ANK3: variants seen among roughly 807,000 people sequenced by gnomAD.
The protein encoded by ANK3 is ankyrin 3, also known as ankyrin-3.
ANK3 carries 57 observed loss-of-function variants against 370.9 expected under a neutral mutation model. The observed-to-expected ratio is 0.15, with a 90% CI of 0.12 to 0.19. The LOEUF (loss-of-function observed/expected upper bound fraction) is 0.19, where lower values mean the gene tolerates loss of function less well. ANK3 is among the 10% of genes least tolerant of loss of function. The pLI is 1.00. For missense variants in ANK3, 4,439 were observed against 5,302.1 expected (o/e 0.84, Z 5.06); for synonymous variants, 1,929 against 1,946.3 (o/e 0.99, Z 0.23).
At chr10:60,229,835 T>C (rs10761469) in intron 8 of ANK3, among the ~76,000 whole-genome samples, 57,769 of 151,984 alleles carry the variant, frequency 0.38, 12,140 homozygotes, top group East Asian at 0.5. Context: ...CCAGGAAGTG[T>C]GCTAAGTATG....
At chr10:60,233,064 T>C (rs1049179583) in intron 8 of ANK3, among the ~76,000 whole-genome samples, 3 of 152,210 alleles carry the variant, frequency 2.0e-5, no homozygotes, top group African/African-American at 7.2e-5. Context: ...ATTAGATTGC[T>C]TCTTGCACAA....
chr10:60,655,225 AG>A (rs936031077), intron 1 of ANK3, among the ~76,000 whole-genome samples: 2 of 151,412 alleles, frequency 1.3e-5, no homozygotes, highest in African/African-American at 4.8e-5. Flanking sequence ...AAAGAAAAAA[AG>A]GTTAACTGTA....
At chr10:60,215,154 T>C (rs2096917111) in intron 8 of ANK3, among the ~76,000 whole-genome samples, 2 of 152,224 alleles carry the variant, frequency 1.3e-5, no homozygotes, top group South Asian at 2.1e-4. Flanking sequence ...GCCGCATAAA[T>C]GTCTTCTTTT....
chr10:60,305,653 C>A (rs1371532417), intron 1 of ANK3, among the ~76,000 whole-genome samples: 1 of 152,204 alleles, frequency 6.6e-6, no homozygotes, highest in East Asian at 1.9e-4. Context: ...CTGTGGTGCT[C>A]TTGAGAGAAA....
intron 40 of ANK3, 121 bp from the exon 41 acceptor site, chr10:60,059,551 A>T: frequency 1.4e-5 from 17 of 1,248,094 alleles, no homozygotes; most frequent in Non-Finnish European, 2.0e-5. Flanking sequence ...TCAAATAGAG[A>T]TTTGAGTTTC....
chr10:60,134,144 A>G, intron 25 of ANK3, 127 bp downstream of exon 25: 5 of 747,854 alleles, frequency 6.7e-6, no homozygotes, highest in Non-Finnish European at 1.1e-5. Flanking sequence ...ACTGGCTAGT[A>G]CCAGAAGATT....
At chr10:60,168,329 T>A (rs933694606) in intron 21 of ANK3, among the ~76,000 whole-genome samples, 1 of 152,216 alleles carries the variant, frequency 6.6e-6, no homozygotes, top group Non-Finnish European at 1.5e-5. Context: ...CCTGGCCTAT[T>A]ATTAAAATCT....
At chr10:60,470,836 G>A (rs147317109) in intron 2 of ANK3, among the ~76,000 whole-genome samples, 72 of 152,110 alleles carry the variant, frequency 4.7e-4, no homozygotes, top group African/African-American at 1.5e-3. Flanking sequence ...AAATAATAAC[G>A]TTTACAGAGA....
chr10:60,465,229 T>C (rs1235431380), intron 2 of ANK3, among the ~76,000 whole-genome samples: 1 of 149,664 alleles, frequency 6.7e-6, no homozygotes, highest in East Asian at 2.0e-4. Context: ...TGCACTCCAG[T>C]CTCCAGCCTG....
intron 1 of ANK3, among the ~76,000 whole-genome samples, chr10:60,388,498 C>A (rs1401108236): frequency 1.3e-5 from 2 of 152,124 alleles, no homozygotes; most frequent in African/African-American, 4.8e-5. Context: ...ACCTGCCTTT[C>A]CTATTCAGAT....
At chr10:60,128,737 AAC>A (rs1357654805) in intron 25 of ANK3, among the ~76,000 whole-genome samples, 2 of 152,168 alleles carry the variant, frequency 1.3e-5, no homozygotes, top group Admixed American at 1.3e-4. Flanking sequence ...GTGAACTATA[AAC>A]AACTTAATAC....
chr10:60,320,151 C>A (rs1337371541), intron 1 of ANK3, among the ~76,000 whole-genome samples: 1 of 152,230 alleles, frequency 6.6e-6, no homozygotes, highest in Non-Finnish European at 1.5e-5. Context: ...CCTACAATTT[C>A]TCTTTTGGAG....
intron 42 of ANK3, among the ~76,000 whole-genome samples, chr10:60,049,773 A>G (rs2077585187): frequency 6.6e-6 from 1 of 152,230 alleles, no homozygotes; most frequent in Admixed American, 6.5e-5. Flanking sequence ...TTGCTGGTGC[A>G]TATCTAGAAT....
intron 1 of ANK3, among the ~76,000 whole-genome samples, chr10:60,387,207 A>C (rs2062502849): frequency 6.6e-6 from 1 of 152,140 alleles, no homozygotes; most frequent in African/African-American, 2.4e-5. Context: ...GAACAAGAGC[A>C]ACTATCCCCA....
At chr10:60,500,849 A>G (rs946864127) in intron 2 of ANK3, among the ~76,000 whole-genome samples, 1 of 152,202 alleles carries the variant, frequency 6.6e-6, no homozygotes, top group Non-Finnish European at 1.5e-5. Context: ...TCACCTTGAA[A>G]TCTGTCACAT....
chr10:60,328,658 AC>A (rs1164693295), intron 1 of ANK3, among the ~76,000 whole-genome samples: 2 of 152,204 alleles, frequency 1.3e-5, no homozygotes, highest in Non-Finnish European at 2.9e-5. Context: ...TAGCCGGCCA[AC>A]CAAAAAAAGC....
intron 7 of ANK3, among the ~76,000 whole-genome samples, chr10:60,250,499 G>T (rs532706375): frequency 6.6e-6 from 1 of 152,080 alleles, no homozygotes; most frequent in Non-Finnish European, 1.5e-5. Context: ...CCAGTAGCTG[G>T]GACTACAGGT....
chr10:60,540,021 T>C (rs1797479053), intron 2 of ANK3, among the ~76,000 whole-genome samples: 1 of 151,884 alleles, frequency 6.6e-6, no homozygotes, highest in South Asian at 2.1e-4. Context: ...TGGAAAGGCC[T>C]CTCTGAGATA....
intron 1 of ANK3, among the ~76,000 whole-genome samples, chr10:60,324,318 C>T (rs975974662): frequency 6.6e-6 from 1 of 152,170 alleles, no homozygotes; most frequent in Non-Finnish European, 1.5e-5. Context: ...TTATTAGTAC[C>T]ATCATTAGCT....
Sources: allele counts gnomAD v4.1 joint callset (sites outside exome capture counted in the v4.1 genomes callset), GRCh38; gene constraint gnomAD v4.1.1; transcripts MANE v1.5; gene names NCBI Gene and HGNC (gene_info 2026-07-23, HGNC 2026-07-21).